CSGALNACT1: variants seen among roughly 807,000 people sequenced by gnomAD.
CSGALNACT1 encodes beta4GalNAcT-1.
A neutral mutation model predicts 51.0 loss-of-function variants in CSGALNACT1; 52 were observed. The observed-to-expected ratio is 1.02, with a 90% CI of 0.82 to 1.29. The LOEUF is 1.29. Among genes scored for constraint, CSGALNACT1 ranks in the 50% most tolerant of loss-of-function variants. The probability of loss-of-function intolerance (pLI) is 0.00; values close to 1 mark genes in which losing one functional copy is unlikely to be tolerated. For missense variants in CSGALNACT1, 935 were observed against 679.2 expected (o/e 1.38, Z -4.19); for synonymous variants, 341 against 254.4 (o/e 1.34, Z -3.24).
At chr8:19,753,794 T>C (rs1199507978) in intron 1 of CSGALNACT1, among the ~76,000 whole-genome samples, 1 of 152,262 alleles carries the variant, frequency 6.6e-6, no homozygotes, top group Non-Finnish European at 1.5e-5. Context: ...GTAATAATGT[T>C]TGTTTATATA....
chr8:19,467,110 CTTTTTTTTTTTT>C (rs10604359), intron 4 of CSGALNACT1, among the ~76,000 whole-genome samples: 2 of 53,290 alleles, frequency 3.8e-5, no homozygotes, highest in Admixed American at 3.1e-4. Flanking sequence ...TAGCAGCTGA[CTTTTTTTTTTTT>C]TTTTTTTTTT....
intron 3 of CSGALNACT1, among the ~76,000 whole-genome samples, chr8:19,531,510 C>T (rs558579387): frequency 6.6e-6 from 1 of 152,178 alleles, no homozygotes; most frequent in Admixed American, 6.5e-5. Context: ...ATTTACAATG[C>T]AATGGCATCT....
At chr8:19,513,455 T>TATATATATATATATAC (rs1554650251) in intron 3 of CSGALNACT1, among the ~76,000 whole-genome samples, 1 of 141,858 alleles carries the variant, frequency 7.0e-6, no homozygotes, top group African/African-American at 2.7e-5. Context: ...TATATATATA[T>TATATATATATATATAC]ATATATATTT....
At chr8:19,547,154 G>A (rs1254148156) in intron 3 of CSGALNACT1, among the ~76,000 whole-genome samples, 1 of 152,174 alleles carries the variant, frequency 6.6e-6, no homozygotes, top group Non-Finnish European at 1.5e-5. Context: ...GCTCCATGAT[G>A]CCACAGGACA....
At chr8:19,516,769 G>C (rs963428295) in intron 3 of CSGALNACT1, among the ~76,000 whole-genome samples, 1 of 152,170 alleles carries the variant, frequency 6.6e-6, no homozygotes, top group Non-Finnish European at 1.5e-5. Context: ...ATTACTCCTT[G>C]GGCCTGGCCC....
chr8:19,526,905 A>G (rs763707168), intron 3 of CSGALNACT1, among the ~76,000 whole-genome samples: 2 of 152,214 alleles, frequency 1.3e-5, no homozygotes, highest in Non-Finnish European at 2.9e-5. Flanking sequence ...AAATCTTTAG[A>G]CAACCTTCGG....
At chr8:19,495,374 T>TGAA (rs1212116954) in intron 4 of CSGALNACT1, among the ~76,000 whole-genome samples, 10 of 152,200 alleles carry the variant, frequency 6.6e-5, no homozygotes, top group Non-Finnish European at 1.5e-4. Flanking sequence ...TCTGTTGTGG[T>TGAA]GAAGTCCTCA....
intron 6 of CSGALNACT1, 99 bp downstream of exon 5, chr8:19,439,731 T>C: frequency 1.1e-6 from 1 of 914,284 alleles, no homozygotes; most frequent in Non-Finnish European, 1.8e-6. Flanking sequence ...TCACCCACAG[T>C]GTAAAGGAAA....
At chr8:19,546,536 G>A (rs2086518762) in intron 3 of CSGALNACT1, among the ~76,000 whole-genome samples, 2 of 152,104 alleles carry the variant, frequency 1.3e-5, no homozygotes, top group Admixed American at 6.6e-5. Context: ...CTAACTACAA[G>A]TTTCTTAAAC....
chr8:19,618,337 A>C (rs1452429166), intron 1 of CSGALNACT1, among the ~76,000 whole-genome samples: 1 of 152,076 alleles, frequency 6.6e-6, no homozygotes, highest in Non-Finnish European at 1.5e-5. Context: ...GCATGCATAG[A>C]CCTAAGAAAA....
chr8:19,546,392 A>C (rs762821875), intron 3 of CSGALNACT1, among the ~76,000 whole-genome samples: 20 of 152,152 alleles, frequency 1.3e-4, no homozygotes, highest in Non-Finnish European at 2.5e-4. Flanking sequence ...ATAATCATCA[A>C]GTGGTAATTA....
At chr8:19,668,178 A>C (rs2059533200) in intron 1 of CSGALNACT1, among the ~76,000 whole-genome samples, 1 of 152,202 alleles carries the variant, frequency 6.6e-6, no homozygotes, top group South Asian at 2.1e-4. Flanking sequence ...AATGCAAAAA[A>C]GGAATGGTAA....
chr8:19,418,694 C>T (rs751570474), exon 8 of CSGALNACT1: 6 of 1,613,386 alleles, frequency 3.7e-6, no homozygotes, highest in Non-Finnish European at 5.1e-6. Context: ...TCATGGTGGC[C>T]GTATATTATG....
At chr8:19,504,875 C>G (rs1163332720) in intron 4 of CSGALNACT1, among the ~76,000 whole-genome samples, 4 of 152,190 alleles carry the variant, frequency 2.6e-5, no homozygotes, top group African/African-American at 9.7e-5. Flanking sequence ...AGCTCAGTTA[C>G]TAGAAGTGCC....
chr8:19,505,151 A>T, intron 4 of CSGALNACT1, 50 bp downstream of exon 3: 1 of 1,608,828 alleles, frequency 6.2e-7, no homozygotes, highest in Non-Finnish European at 8.5e-7. Flanking sequence ...GGTGCCAGGA[A>T]CCCCCAATTC....
At chr8:19,513,196 T>C (rs1026193923) in intron 3 of CSGALNACT1, among the ~76,000 whole-genome samples, 1 of 151,834 alleles carries the variant, frequency 6.6e-6, no homozygotes, top group Non-Finnish European at 1.5e-5. Context: ...ACCAAGACCA[T>C]GCACTAGACA....
intron 3 of CSGALNACT1, among the ~76,000 whole-genome samples, chr8:19,579,095 A>G (rs2044971225): frequency 6.6e-6 from 1 of 152,226 alleles, no homozygotes; most frequent in Admixed American, 6.5e-5. Context: ...CACCACACCC[A>G]GTCCAGAGTG....
intron 1 of CSGALNACT1, among the ~76,000 whole-genome samples, chr8:19,620,995 C>G (rs552477967): frequency 2.0e-5 from 3 of 152,058 alleles, no homozygotes; most frequent in African/African-American, 4.8e-5. Flanking sequence ...AACTTAACAC[C>G]GTAAAAATGT....
intron 1 of CSGALNACT1, among the ~76,000 whole-genome samples, chr8:19,656,536 C>T (rs531323665): frequency 2.0e-5 from 3 of 151,880 alleles, no homozygotes; most frequent in East Asian, 1.9e-4. Flanking sequence ...ACTTAAAACA[C>T]ACACGTGTAC....
Sources: gnomAD v4.1 joint callset for allele counts (sites outside exome capture counted in the v4.1 genomes callset) on GRCh38, gnomAD v4.1.1 for gene constraint, MANE v1.5 for transcripts, NCBI Gene and HGNC (gene_info 2026-07-23, HGNC 2026-07-21) for gene names.